RFX3: variants seen among roughly 807,000 people sequenced by gnomAD.
The protein encoded by RFX3 is regulatory factor X3, also known as transcription factor RFX3.
Under a neutral mutation model 98.6 loss-of-function variants are expected in RFX3, and 14 were observed. That is an observed-to-expected ratio of 0.14 (90% confidence interval 0.09 to 0.22). The LOEUF is 0.22. Ranked by LOEUF, RFX3 falls within the 10% of genes least tolerant of loss-of-function variation. The pLI is 1.00. For missense variants in RFX3, 639 were observed against 926.9 expected (o/e 0.69, Z 4.03); for synonymous variants, 383 against 328.4 (o/e 1.17, Z -1.80).
chr9:3,258,553 T>TG (rs1185632799), intron 13 of RFX3, among the ~76,000 whole-genome samples: 2 of 152,090 alleles, frequency 1.3e-5, no homozygotes, highest in Admixed American at 1.3e-4. Flanking sequence ...CTGATGATAC[T>TG]ATTCACTGTC....
At chr9:3,468,124 G>A (rs779364418) in intron 1 of RFX3, among the ~76,000 whole-genome samples, 4 of 152,122 alleles carry the variant, frequency 2.6e-5, no homozygotes, top group South Asian at 2.1e-4. Context: ...TTCCATGAAA[G>A]ATAACTCAAT....
intron 1 of RFX3, among the ~76,000 whole-genome samples, chr9:3,413,361 C>T (rs1842622841): frequency 6.6e-6 from 1 of 151,900 alleles, no homozygotes; most frequent in African/African-American, 2.4e-5. Flanking sequence ...ATTTATGTTC[C>T]TTCTCAAGGA....
At chr9:3,329,417 A>AC (rs1355374260) in intron 4 of RFX3, among the ~76,000 whole-genome samples, 1 of 149,914 alleles carries the variant, frequency 6.7e-6, no homozygotes, top group Non-Finnish European at 1.5e-5. Flanking sequence ...CAAAAAAAAA[A>AC]AAAAAAAAAA....
At chr9:3,497,838 G>C (rs553931398) in intron 1 of RFX3, among the ~76,000 whole-genome samples, 1 of 152,088 alleles carries the variant, frequency 6.6e-6, no homozygotes, top group East Asian at 1.9e-4. Context: ...CAAGTAATCA[G>C]AGTAAGCAGT....
intron 2 of RFX3, among the ~76,000 whole-genome samples, chr9:3,360,759 T>G (rs1423365726): frequency 6.6e-6 from 1 of 152,182 alleles, no homozygotes; most frequent in South Asian, 2.1e-4. Flanking sequence ...CAGGAAAACG[T>G]GCTAGCTCAA....
At chr9:3,500,505 T>G (rs1815882181) in intron 1 of RFX3, among the ~76,000 whole-genome samples, 2 of 152,158 alleles carry the variant, frequency 1.3e-5, no homozygotes, top group Admixed American at 6.6e-5. Context: ...TCTTAAAAGA[T>G]TCAGTGATGT....
rs560765184 is a variant in RFX3 at position 3,317,994 on chromosome 9, C to T, written c.474+12265G>A. Among the ~76,000 whole-genome samples the T allele has an allele frequency of 5.8e-4, 88 of 152,282 alleles. 1 individual carries two copies. The highest frequency in any genetic ancestry group is 2.1e-3 in the African/African-American group (86 of 41,546). On this transcript the variant is annotated intron_variant, in intron 4 of 16. Coordinates refer to ENST00000617270, the MANE Select transcript of RFX3 (RefSeq NM_001282116.2). ...CCTCAGGGATCTAGAACTAGAAATA[C>T]CATTTGACCCAGCCATCCCATTACT...
At chr9:3,481,135 C>T (rs1014678396) in intron 1 of RFX3, among the ~76,000 whole-genome samples, 1 of 152,144 alleles carries the variant, frequency 6.6e-6, no homozygotes, top group African/African-American at 2.4e-5. Context: ...CTTACAATAA[C>T]TCAATACGGT....
chr9:3,240,921 G>A (rs953456382), intron 15 of RFX3, among the ~76,000 whole-genome samples: 1 of 152,178 alleles, frequency 6.6e-6, no homozygotes, highest in Admixed American at 6.5e-5. Context: ...GGTTGGGTCT[G>A]CCCAAATAGC....
chr9:3,294,619 T>A (rs935549009), intron 5 of RFX3, among the ~76,000 whole-genome samples: 4 of 152,188 alleles, frequency 2.6e-5, no homozygotes, highest in African/African-American at 4.8e-5. Context: ...AATTTAAAAA[T>A]TCATTAAAAA....
At chr9:3,511,244 T>C (rs1817636493) in intron 1 of RFX3, among the ~76,000 whole-genome samples, 1 of 151,956 alleles carries the variant, frequency 6.6e-6, no homozygotes, top group Non-Finnish European at 1.5e-5. Context: ...GATTTAGGTA[T>C]AAATTTTGTG....
At position 3,225,147 on chromosome 9, in the gene RFX3, G is replaced by A. The variant is rs201572962; in HGVS notation, c.2145C>T (p.Gly715=). ...TTGGATTCAGGAGGCTTGGTTGCAC[G>A]CCAGTCTCGAGAACAGGCTGCATGC... ...VGCMQPVLET[G]VQPSLLNPIH... The change falls in exon 17 of 17, where the codon GGC becomes GGT. Residue 715 remains glycine (G), a synonymous_variant. Transcript: ENST00000617270. The A allele has an allele frequency of 2.0e-5, 33 of 1,613,940 alleles. No individual in the cohort carries two copies. The highest frequency in any genetic ancestry group is 5.0e-5 in the Admixed American group (3 of 59,952).
chr9:3,313,726 G>T (rs577514725), intron 4 of RFX3, among the ~76,000 whole-genome samples: 3 of 152,362 alleles, frequency 2.0e-5, no homozygotes, highest in African/African-American at 7.2e-5. Flanking sequence ...CGTGAAGGAT[G>T]CACAAGCTTC....
intron 8 of RFX3, among the ~76,000 whole-genome samples, chr9:3,275,919 A>G (rs1466098974): frequency 1.3e-5 from 2 of 152,104 alleles, no homozygotes; most frequent in Admixed American, 6.6e-5. Flanking sequence ...AAAGAAAAAT[A>G]TCTCGAGCTT....
At position 3,288,220 on chromosome 9, in the gene RFX3, A is replaced by G. The variant is rs1015473832; in HGVS notation, c.762T>C (p.Ile254=). 2 of 1,612,640 alleles carry G rather than the reference A, an allele frequency of 1.2e-6. No individual in the cohort carries two copies. Among genetic ancestry groups the G allele is most frequent in the Non-Finnish European group, 1.7e-6 (2 of 1,178,916 alleles). The part of the protein sequence containing the change: ...RGNSKYHYYG[I]RVKPDSPLNR... ...TAAGAGGGGAATCTGGCTTGACACG[A>G]ATCCCATAGTAGTGGTATTTGGAGT... Residue 254 remains isoleucine, a synonymous_variant, in exon 7 of 17, where the codon ATT becomes ATC. Transcript: ENST00000617270.
At chr9:3,261,397 G>A (rs988656833) in intron 13 of RFX3, among the ~76,000 whole-genome samples, 1 of 152,052 alleles carries the variant, frequency 6.6e-6, no homozygotes, top group Admixed American at 6.6e-5. Context: ...ATCATGTCAC[G>A]TGTGATCCTT....
intron 1 of RFX3, chr9:3,469,120 G>A (rs906274715): frequency 1.6e-5 from 7 of 449,768 alleles, no homozygotes; most frequent in African/African-American, 1.4e-4. Flanking sequence ...CTATGTTACA[G>A]ATGATCAAGG....
intron 4 of RFX3, among the ~76,000 whole-genome samples, chr9:3,323,559 G>C (rs915108115): frequency 1.3e-5 from 2 of 151,876 alleles, no homozygotes; most frequent in African/African-American, 2.4e-5. Flanking sequence ...GGTTGCCTGA[G>C]GTACAGGTTA....
chr9:3,247,138 G>C (rs1203277791), intron 15 of RFX3: 2 of 984,956 alleles, frequency 2.0e-6, no homozygotes, highest in Non-Finnish European at 2.4e-6. Context: ...TTAATAATCT[G>C]GTATGATTCG....
Sources: allele counts gnomAD v4.1 joint callset (sites outside exome capture counted in the v4.1 genomes callset), GRCh38; gene constraint gnomAD v4.1.1; transcripts MANE v1.5; gene names NCBI Gene and HGNC (gene_info 2026-07-23, HGNC 2026-07-21).